SGCZ: variants seen among roughly 807,000 people sequenced by gnomAD.
SGCZ encodes the protein zeta-sarcoglycan.
A neutral mutation model predicts 41.3 loss-of-function variants in SGCZ; 40 were observed. The observed-to-expected ratio is 0.97, with a 90% CI of 0.75 to 1.26. The LOEUF is 1.26. Ranked by LOEUF, SGCZ falls within the 50% of genes most tolerant of loss-of-function variation. SGCZ has a pLI of 0.00. For synonymous variants in SGCZ, 206 were observed against 137.5 expected (o/e 1.50, Z -3.49); for missense variants, 552 against 369.8 (o/e 1.49, Z -4.04).
At chr8:15,042,616 T>C (rs1273480601) in intron 1 of SGCZ, among the ~76,000 whole-genome samples, 1 of 152,192 alleles carries the variant, frequency 6.6e-6, no homozygotes. Flanking sequence ...ATGTTGCCAC[T>C]TTTGGACAGT....
chr8:14,207,860 G>C (rs955970337), intron 4 of SGCZ, among the ~76,000 whole-genome samples: 2 of 152,092 alleles, frequency 1.3e-5, no homozygotes, highest in African/African-American at 4.8e-5. Flanking sequence ...CTTGATATGC[G>C]ATTTGGGGTA....
chr8:14,104,444 T>C (rs1448209287), intron 6 of SGCZ, among the ~76,000 whole-genome samples: 1 of 151,836 alleles, frequency 6.6e-6, no homozygotes, highest in Non-Finnish European at 1.5e-5. Context: ...AAAAAATCTG[T>C]GGCCTAAATC....
At chr8:14,959,423 G>A (rs969423098) in intron 1 of SGCZ, among the ~76,000 whole-genome samples, 2 of 152,126 alleles carry the variant, frequency 1.3e-5, no homozygotes, top group Non-Finnish European at 2.9e-5. Context: ...ATCGTACATA[G>A]AGTACCCTCC....
chr8:14,234,529 C>A (rs999245833), intron 4 of SGCZ, among the ~76,000 whole-genome samples: 1 of 151,934 alleles, frequency 6.6e-6, no homozygotes, highest in African/African-American at 2.4e-5. Context: ...TATTGGTAGA[C>A]AATAGAATTG....
chr8:14,975,507 G>T (rs765474627), intron 1 of SGCZ, among the ~76,000 whole-genome samples: 8 of 152,004 alleles, frequency 5.3e-5, no homozygotes, highest in Non-Finnish European at 1.0e-4. Context: ...CCTAAATGAG[G>T]AGAGCTGACC....
In SGCZ at chr8:14,767,897, G is replaced by A. The variant is rs79866357; in HGVS notation, c.40-212971C>T. Reference sequence around the variant, plus strand: ...AGGGCCATGTATTACATAGACCCTTGGTTTGCTATCTGTTAAGGGAATAAA... The same window carrying A: ...AGGGCCATGTATTACATAGACCCTTAGTTTGCTATCTGTTAAGGGAATAAA... On this transcript the variant is annotated intron_variant, in intron 1 of 7. Coordinates refer to ENST00000382080, the MANE Select transcript of SGCZ (RefSeq NM_139167.4). Among the ~76,000 whole-genome samples, 560 of 152,244 alleles carry A rather than the reference G, an allele frequency of 3.7e-3. 3 individuals carry two copies. The highest frequency in any genetic ancestry group is 0.013 in the African/African-American group (536 of 41,532).
rs150506703 is a variant in SGCZ at position 14,145,245 on chromosome 8, T to C, written c.547+19335A>G. ...CAGGACAGAGAGAATCTTTTTTTTT[T>C]AGAAAGTAAGGGAAGATAACAAGAG... On this transcript the variant is annotated intron_variant, in intron 5 of 7. Coordinates refer to ENST00000382080, the MANE Select transcript of SGCZ (RefSeq NM_139167.4). Among the ~76,000 whole-genome samples the C allele has an allele frequency of 7.8e-3, 1,186 of 152,220 alleles. 17 individuals carry two copies. Among genetic ancestry groups the C allele is most frequent in the African/African-American group, 0.027 (1,132 of 41,528 alleles).
chr8:15,015,547 T>C (rs1283674031), intron 1 of SGCZ, among the ~76,000 whole-genome samples: 1 of 149,994 alleles, frequency 6.7e-6, no homozygotes, highest in Non-Finnish European at 1.5e-5. Context: ...ATTAGGCGAG[T>C]GTGATGGCAG....
chr8:14,525,009 GT>G (rs1367277892), intron 2 of SGCZ, among the ~76,000 whole-genome samples: 1 of 152,006 alleles, frequency 6.6e-6, no homozygotes, highest in African/African-American at 2.4e-5. Flanking sequence ...CTGACTAGAG[GT>G]TTTGTCCTTT....
chr8:14,241,306 T>C (rs1341688606), intron 3 of SGCZ, among the ~76,000 whole-genome samples: 2 of 151,712 alleles, frequency 1.3e-5, no homozygotes, highest in Admixed American at 6.6e-5. Context: ...GAGAGAAATC[T>C]ATTTTGTTGA....
At chr8:14,797,662 T>G (rs903055989) in intron 1 of SGCZ, among the ~76,000 whole-genome samples, 1 of 152,056 alleles carries the variant, frequency 6.6e-6, no homozygotes, top group African/African-American at 2.4e-5. Context: ...ACCAAGACAA[T>G]GGGGAGAATG....
chr8:15,085,939 G>A lies in SGCZ; in HGVS notation c.39+151646C>T, dbSNP rs181834529. On this transcript the variant is annotated intron_variant, in intron 1 of 7. Coordinates refer to ENST00000382080, the MANE Select transcript of SGCZ (RefSeq NM_139167.4). The stretch of plus-strand genomic sequence containing the variant: ...ATGCTACAAAATGTGGGTTTCTGAT[G>A]TTCCCTTTATCTGCTGTTCCGGAAT... Among the ~76,000 whole-genome samples the A allele has an allele frequency of 1.3e-3, 193 of 152,204 alleles. 2 individuals are homozygous for A. The highest frequency in any genetic ancestry group is 4.5e-3 in the African/African-American group (185 of 41,550).
At chr8:14,659,888 C>A (rs184876915) in intron 1 of SGCZ, among the ~76,000 whole-genome samples, 1 of 152,252 alleles carries the variant, frequency 6.6e-6, no homozygotes, top group East Asian at 1.9e-4. Context: ...CACACTTTAG[C>A]CCTAATCCAG....
intron 1 of SGCZ, among the ~76,000 whole-genome samples, chr8:14,944,734 G>T (rs1391456012): frequency 6.6e-6 from 1 of 152,082 alleles, no homozygotes; most frequent in Non-Finnish European, 1.5e-5. Flanking sequence ...TGAGGATTTT[G>T]CAATCTGAAA....
chr8:15,135,052 C>A (rs1171099435), intron 1 of SGCZ, among the ~76,000 whole-genome samples: 1 of 152,156 alleles, frequency 6.6e-6, no homozygotes, highest in African/African-American at 2.4e-5. Flanking sequence ...TAGGCATCTT[C>A]ATATCTGAAA....
At chr8:14,714,782 A>G (rs1809634022) in intron 1 of SGCZ, among the ~76,000 whole-genome samples, 1 of 152,202 alleles carries the variant, frequency 6.6e-6, no homozygotes, top group South Asian at 2.1e-4. Context: ...ATTTAAGAAC[A>G]ATGGAATTTT....
chr8:14,851,368 C>CAAAAAAAAAAAAAAAAAAAAA, intron 1 of SGCZ, among the ~76,000 whole-genome samples: 1 of 61,904 alleles, frequency 1.6e-5, no homozygotes, highest in Non-Finnish European at 2.9e-5. Context: ...GACTCCATCT[C>CAAAAAAAAAAAAAAAAAAAAA]AAAAAAAAAA....
chr8:14,502,774 G>A (rs190623723), intron 2 of SGCZ, among the ~76,000 whole-genome samples: 44 of 152,256 alleles, frequency 2.9e-4, no homozygotes, highest in Admixed American at 9.2e-4. Context: ...CAGTTAGAAC[G>A]GCAATCATTA....
At chr8:14,878,262 T>C (rs1463158852) in intron 1 of SGCZ, among the ~76,000 whole-genome samples, 1 of 151,926 alleles carries the variant, frequency 6.6e-6, no homozygotes, top group Non-Finnish European at 1.5e-5. Flanking sequence ...ACACTTACTA[T>C]TCAGAATCTT....
Sources: allele counts gnomAD v4.1 joint callset (sites outside exome capture counted in the v4.1 genomes callset), GRCh38; gene constraint gnomAD v4.1.1; transcripts MANE v1.5; gene names NCBI Gene and HGNC (gene_info 2026-07-23, HGNC 2026-07-21).